The following LIMK2 variants were observed in gnomAD, a reference collection of about 807,000 sequenced individuals.
LIMK2 encodes the protein LIM domain kinase 2.
Under a neutral mutation model 75.7 loss-of-function variants are expected in LIMK2, and 35 were observed. The observed-to-expected ratio is 0.46, with a 90% CI of 0.35 to 0.61. The LOEUF (loss-of-function observed/expected upper bound fraction) is 0.61. LIMK2 is among the 20% of genes least tolerant of loss of function. The pLI is 0.00. For synonymous variants in LIMK2, 301 were observed against 319.2 expected, an observed-to-expected ratio of 0.94 and a Z score of 0.61; for missense variants, 623 against 831.0, an observed-to-expected ratio of 0.75 and a Z score of 3.08.
intron 11 of LIMK2, among the ~76,000 whole-genome samples, chr22:31,270,411 T>G (rs968701880): frequency 6.6e-5 from 10 of 152,114 alleles, no homozygotes; most frequent in Non-Finnish European, 1.5e-4. Context: ...CTATAGCGAT[T>G]CAGGAAGAGC....
At chr22:31,244,081 C>CTTATTCCCCCT in intron 2 of LIMK2, among the ~76,000 whole-genome samples, 1 of 152,350 alleles carries the variant, frequency 6.6e-6, no homozygotes, top group African/African-American at 2.4e-5. Context: ...TGTCCTCTCA[C>CTTATTCCCCCT]TTATTCCCCA....
chr22:31,239,620 CTT>C (rs1473778479), intron 2 of LIMK2, among the ~76,000 whole-genome samples: 2 of 152,206 alleles, frequency 1.3e-5, no homozygotes, highest in Non-Finnish European at 2.9e-5. Context: ...CTTCTTCTCT[CTT>C]TGTTATTCTC....
intron 1 of LIMK2, among the ~76,000 whole-genome samples, chr22:31,212,819 C>T (rs562698723): frequency 1.1e-3 from 169 of 152,180 alleles, no homozygotes; most frequent in African/African-American, 4.0e-3. Flanking sequence ...AGTGGAAGCT[C>T]TGTGGAATTT....
chr22:31,248,861 C>T (rs2048696877), intron 2 of LIMK2: 2 of 1,370,450 alleles, frequency 1.5e-6, no homozygotes, highest in African/African-American at 2.8e-5. Context: ...TCACTTAGTC[C>T]TTTACCATCG....
intron 2 of LIMK2, among the ~76,000 whole-genome samples, chr22:31,238,045 G>A (rs2048594212): frequency 6.6e-6 from 1 of 150,640 alleles, no homozygotes. Flanking sequence ...AACCCAGGAG[G>A]TGGAGGTTGT....
chr22:31,269,791 G>A (rs1475255537), intron 11 of LIMK2, among the ~76,000 whole-genome samples: 1 of 151,466 alleles, frequency 6.6e-6, no homozygotes, highest in Non-Finnish European at 1.5e-5. Flanking sequence ...AAAAAAAAGA[G>A]AGACTGATAT....
At chr22:31,269,738 CAT>C (rs2123857651) in intron 11 of LIMK2, among the ~76,000 whole-genome samples, 1 of 149,374 alleles carries the variant, frequency 6.7e-6, no homozygotes, top group African/African-American at 2.5e-5. Flanking sequence ...CACACCACTG[CAT>C]TCCAGCCTGG....
chr22:31,242,041 T>C (rs5753521), intron 2 of LIMK2, among the ~76,000 whole-genome samples: 120,230 of 152,138 alleles, frequency 0.79, 48,485 homozygotes, highest in African/African-American at 0.95. Context: ...CTCTACAGTT[T>C]AGAGCCTCAA....
rs540590683 is a variant in LIMK2, at chr22:31,274,246, G to T, written c.1614+739G>T. ...CCACGTGGACAGAGTGAGGAATCTT[G>T]GAAAGATTCCTACCTTTAGGAGTTT... On this transcript the variant is annotated intron_variant, in intron 14 of 15. Transcript: ENST00000331728. Among the ~76,000 whole-genome samples, 24 of 152,086 alleles carry T rather than the reference G, an allele frequency of 1.6e-4. No individual in the cohort carries two copies. In the South Asian group the frequency reaches 4.8e-3, roughly 30 times the overall value.
At chr22:31,255,216 C>CAATTT (rs1483355960) in intron 2 of LIMK2, among the ~76,000 whole-genome samples, 2 of 152,150 alleles carry the variant, frequency 1.3e-5, no homozygotes, top group African/African-American at 4.8e-5. Flanking sequence ...TTGTCCAAGG[C>CAATTT]AATTTAGCAC....
intron 9 of LIMK2, 144 bp from the exon 10 acceptor site, chr22:31,267,632 T>C: frequency 1.2e-6 from 1 of 862,564 alleles, no homozygotes; most frequent in Non-Finnish European, 1.7e-6. Flanking sequence ...TCCCTCATCC[T>C]GATCTTAGTG....
In LIMK2 at chr22:31,266,139, G is replaced by T. The variant is rs752091798; in HGVS notation, c.1041+7G>T. On this transcript the variant is annotated splice_region_variant and intron_variant, in intron 8 of 15. Coordinates refer to ENST00000331728, the MANE Select transcript of LIMK2 (RefSeq NM_005569.4). ...CTTTGGGCAGGCTATCAAGGTGAGC[G>T]CAGGCAACAATTGCTTTGCTCTTCT... 1.9e-6 allele frequency: 3 copies of T among 1,613,804 alleles called. No homozygotes were observed. Among genetic ancestry groups the T allele is most frequent in the Non-Finnish European group, 1.7e-6 (2 of 1,179,724 alleles).
intron 1 of LIMK2, among the ~76,000 whole-genome samples, chr22:31,224,336 C>G (rs558281523): frequency 4.6e-4 from 70 of 152,314 alleles, no homozygotes; most frequent in African/African-American, 1.5e-3. Context: ...ATAGGTAAGT[C>G]TTCCCTATCT....
At position 31,272,827 on chromosome 22, in the gene LIMK2, A is replaced by T; in HGVS notation, c.1558+123A>T. The T allele has an allele frequency of 2.8e-6, 4 of 1,421,066 alleles. No homozygotes were observed. The South Asian group carries it at 6.6e-5, about 23-fold the overall frequency. 88.0% of individuals were successfully genotyped at this position (1,421,066 alleles called of 1,614,324 possible). A position where few individuals can be genotyped will look rare whatever the true frequency, so the allele number is the denominator to read the frequency against. ...TAGGACCGGATACCCAGAGCTGAGG[A>T]TATTTTTCCCTTGCCAGGTGGGGCC... On this transcript the variant is annotated intron_variant, in intron 13 of 15. Coordinates refer to ENST00000331728, the MANE Select transcript of LIMK2 (RefSeq NM_005569.4).
At chr22:31,234,932 G>A (rs567949622) in intron 2 of LIMK2, among the ~76,000 whole-genome samples, 8 of 152,060 alleles carry the variant, frequency 5.3e-5, no homozygotes, top group African/African-American at 1.7e-4. Flanking sequence ...CCTGCTTATC[G>A]TTTAGATCTT....
At chr22:31,277,607 TTTAA>T (rs2049044910) in intron 15 of LIMK2, 1 of 900,844 alleles carries the variant, frequency 1.1e-6, no homozygotes, top group Non-Finnish European at 1.3e-6. Flanking sequence ...TCTAAATATC[TTTAA>T]TTTATTAAAA....
intron 2 of LIMK2, among the ~76,000 whole-genome samples, chr22:31,228,127 T>G (rs2048495590): frequency 6.6e-6 from 1 of 151,636 alleles, no homozygotes; most frequent in African/African-American, 2.4e-5. Flanking sequence ...TAGATAAGAG[T>G]ACAGGCAGGC....
chr22:31,244,279 C>A (rs1307610896), intron 2 of LIMK2, among the ~76,000 whole-genome samples: 1 of 152,210 alleles, frequency 6.6e-6, no homozygotes, highest in Admixed American at 6.5e-5. Flanking sequence ...GCATATTCTT[C>A]CATTAGTACT....
intron 1 of LIMK2, among the ~76,000 whole-genome samples, chr22:31,220,987 A>G (rs974567283): frequency 4.6e-5 from 7 of 151,930 alleles, no homozygotes; most frequent in Admixed American, 1.3e-4. Context: ...TTTTTTTTTG[A>G]TTAAGGGAAA....
Sources: gnomAD v4.1 joint callset for allele counts (sites outside exome capture counted in the v4.1 genomes callset) on GRCh38, gnomAD v4.1.1 for gene constraint, MANE v1.5 for transcripts, NCBI Gene and HGNC (gene_info 2026-07-23, HGNC 2026-07-21) for gene names.